CLSTN2: variants seen among roughly 807,000 people sequenced by gnomAD.
CLSTN2 encodes calsyntenin 2.
In CLSTN2, 48 loss-of-function variants were observed where a neutral mutation model predicts 101.2. The ratio of observed to expected loss-of-function variants is 0.47; its 90% CI spans 0.38 to 0.60. The LOEUF is 0.60. CLSTN2 is among the 20% of genes least tolerant of loss of function. The probability of loss-of-function intolerance (pLI) is 0.00; values close to 1 mark genes in which losing one functional copy is unlikely to be tolerated. For synonymous variants in CLSTN2, 481 were observed against 463.6 expected (o/e 1.04, Z -0.48); for missense variants, 1,160 against 1,238.2 (o/e 0.94, Z 0.95).
At chr3:140,030,817 A>G (rs762156393) in intron 1 of CLSTN2, among the ~76,000 whole-genome samples, 6 of 152,228 alleles carry the variant, frequency 3.9e-5, no homozygotes, top group Non-Finnish European at 8.8e-5. Context: ...AAGTACCCAA[A>G]ATGGCAGATA....
At chr3:140,273,363 AACTTAAAGT>A (rs1281642228) in intron 2 of CLSTN2, among the ~76,000 whole-genome samples, 1 of 152,116 alleles carries the variant, frequency 6.6e-6, no homozygotes, top group Non-Finnish European at 1.5e-5. Flanking sequence ...ATGTATCTGG[AACTTAAAGT>A]AAAATAAGAA....
Position 140,504,857 on chromosome 3 carries a change from T to G in CLSTN2, c.1345-27467T>G, listed in dbSNP as rs542634081. Reference sequence around the variant, plus strand: ...TGGCATTTGTTTTGTTTTGATTTTTTGGGGGAGGGGAAAGAGTATTACTGG... The same window carrying G: ...TGGCATTTGTTTTGTTTTGATTTTTGGGGGGAGGGGAAAGAGTATTACTGG... On this transcript the variant is annotated intron_variant, in intron 8 of 16. Coordinates refer to ENST00000458420, the MANE Select transcript of CLSTN2 (RefSeq NM_022131.3). Among the ~76,000 whole-genome samples the G allele has an allele frequency of 7.9e-5, 12 of 152,256 alleles. 1 individual carries two copies. The highest frequency in any genetic ancestry group is 6.2e-4 in the South Asian group (3 of 4,826).
intron 5 of CLSTN2, among the ~76,000 whole-genome samples, chr3:140,444,328 G>C (rs915164704): frequency 6.6e-6 from 1 of 152,090 alleles, no homozygotes; most frequent in Non-Finnish European, 1.5e-5. Flanking sequence ...TGCTAGGGAG[G>C]CTGAGGCAGG....
chr3:139,983,284 GA>G (rs1172204753), intron 1 of CLSTN2, among the ~76,000 whole-genome samples: 2 of 151,880 alleles, frequency 1.3e-5, no homozygotes, highest in Admixed American at 6.6e-5. Flanking sequence ...TGGACTGAAA[GA>G]AAAAAAGATG....
intron 1 of CLSTN2, among the ~76,000 whole-genome samples, chr3:139,982,465 G>T (rs748926091): frequency 2.5e-4 from 38 of 152,056 alleles, no homozygotes; most frequent in South Asian, 4.1e-4. Flanking sequence ...TGCTGTATGA[G>T]AATATTTAAT....
intron 1 of CLSTN2, among the ~76,000 whole-genome samples, chr3:140,131,944 C>T (rs564747318): frequency 3.0e-4 from 46 of 152,050 alleles, no homozygotes; most frequent in Admixed American, 2.0e-3. Context: ...CAAACAGTGA[C>T]GTTTAAAACG....
At chr3:140,536,242 C>T (rs768056543) in intron 9 of CLSTN2, among the ~76,000 whole-genome samples, 3 of 151,548 alleles carry the variant, frequency 2.0e-5, no homozygotes, top group Non-Finnish European at 4.4e-5. Flanking sequence ...AGAGTAAGAC[C>T]CACCTCACAG....
intron 1 of CLSTN2, among the ~76,000 whole-genome samples, chr3:140,073,166 T>A (rs1427050523): frequency 6.6e-6 from 1 of 152,098 alleles, no homozygotes; most frequent in African/African-American, 2.4e-5. Flanking sequence ...TAAGATATCA[T>A]CAAAGTGAAA....
chr3:139,976,826 ATG>A (rs759343164), intron 1 of CLSTN2, among the ~76,000 whole-genome samples: 1 of 152,072 alleles, frequency 6.6e-6, no homozygotes, highest in South Asian at 2.1e-4. Context: ...GTGTGCATTG[ATG>A]TGTGTGTGCA....
chr3:140,150,042 G>A (rs1410449870), intron 1 of CLSTN2, among the ~76,000 whole-genome samples: 2 of 152,114 alleles, frequency 1.3e-5, no homozygotes, highest in Non-Finnish European at 2.9e-5. Context: ...CCTAGGATGA[G>A]GCATCACCCT....
chr3:140,399,830 A>G (rs1228569021), intron 2 of CLSTN2, among the ~76,000 whole-genome samples: 1 of 152,100 alleles, frequency 6.6e-6, no homozygotes, highest in Non-Finnish European at 1.5e-5. Flanking sequence ...TGAGCATAGT[A>G]CCCAATAGGT....
chr3:140,459,873 G>T, intron 7 of CLSTN2, 104 bp downstream of exon 7: 1 of 1,347,392 alleles, frequency 7.4e-7, no homozygotes, highest in East Asian at 2.3e-5. Context: ...TGGAAGAAAA[G>T]CAGGAGCCTG....
In CLSTN2 at chr3:140,421,278, G is replaced by C. The variant is rs2088503398; in HGVS notation, c.787+4G>C. On this transcript the variant is annotated splice_donor_region_variant and intron_variant, in intron 5 of 16. Coordinates refer to ENST00000458420, the MANE Select transcript of CLSTN2 (RefSeq NM_022131.3). ...GTTTGCAAGCCTGGCTGGCAAGGTG[G>C]GCCTGTTTTATCAGTCTTGTGTGAA... The C allele has an allele frequency of 6.2e-7, 1 of 1,613,890 alleles. No homozygotes were observed. The highest frequency in any genetic ancestry group is 1.1e-5 in the South Asian group (1 of 91,080).
intron 2 of CLSTN2, among the ~76,000 whole-genome samples, chr3:140,270,397 A>C (rs2086731110): frequency 6.6e-6 from 1 of 152,136 alleles, no homozygotes; most frequent in African/African-American, 2.4e-5. Flanking sequence ...TGCTTTGTCA[A>C]CCACTTTGTC....
intron 2 of CLSTN2, among the ~76,000 whole-genome samples, chr3:140,288,076 T>C (rs1021996992): frequency 6.9e-6 from 1 of 145,518 alleles, no homozygotes; most frequent in Admixed American, 6.8e-5. Context: ...TCCTTCTTGA[T>C]AGATGACACG....
At chr3:140,304,473 G>T (rs915548575) in intron 2 of CLSTN2, among the ~76,000 whole-genome samples, 1 of 152,176 alleles carries the variant, frequency 6.6e-6, no homozygotes, top group Admixed American at 6.6e-5. Flanking sequence ...GTTCATAACG[G>T]CAGAGAGCAA....
At chr3:140,303,298 T>G (rs2087078134) in intron 2 of CLSTN2, among the ~76,000 whole-genome samples, 1 of 152,228 alleles carries the variant, frequency 6.6e-6, no homozygotes, top group Non-Finnish European at 1.5e-5. Flanking sequence ...TTCAGGGACA[T>G]GCATCATCTT....
At chr3:139,989,858 T>C (rs775614782) in intron 1 of CLSTN2, among the ~76,000 whole-genome samples, 1 of 152,224 alleles carries the variant, frequency 6.6e-6, no homozygotes, top group Non-Finnish European at 1.5e-5. Context: ...ATGCAATCTA[T>C]GTGAAATTGA....
At chr3:140,196,273 G>A (rs1203093637) in intron 2 of CLSTN2, among the ~76,000 whole-genome samples, 4 of 152,230 alleles carry the variant, frequency 2.6e-5, no homozygotes, top group Non-Finnish European at 5.9e-5. Flanking sequence ...CAAATCTCAT[G>A]ACAGAGGAAG....
Sources: allele counts gnomAD v4.1 joint callset (sites outside exome capture counted in the v4.1 genomes callset), GRCh38; gene constraint gnomAD v4.1.1; transcripts MANE v1.5; gene names NCBI Gene and HGNC (gene_info 2026-07-23, HGNC 2026-07-21).